The following CCDC7 variants were observed in gnomAD, a reference collection of about 807,000 sequenced individuals.
CCDC7 encodes the protein coiled-coil domain-containing protein 7.
Under a neutral mutation model 196.9 loss-of-function variants are expected in CCDC7, and 183 were observed. The ratio of observed to expected loss-of-function variants is 0.93; its 90% CI spans 0.82 to 1.05. The LOEUF is 1.05. CCDC7 is among the 50% of genes least tolerant of loss of function. The pLI is 0.00. For missense variants in CCDC7, 1,540 were observed against 1,482.2 expected (o/e 1.04, Z -0.64); for synonymous variants, 525 against 484.6 (o/e 1.08, Z -1.10).
intron 24 of CCDC7, among the ~76,000 whole-genome samples, chr10:32,697,680 A>G (rs7358119): frequency 0.25 from 38,303 of 152,080 alleles, 5,399 homozygotes; most frequent in South Asian, 0.44. Flanking sequence ...GGAAGCTCGA[A>G]CTAGGTGGAG....
chr10:32,755,727 C>T (rs181631773), intron 28 of CCDC7, among the ~76,000 whole-genome samples: 265 of 152,206 alleles, frequency 1.7e-3, no homozygotes, highest in Middle Eastern at 0.014. Context: ...TCCTCGCAAG[C>T]AGCAGAACAA....
chr10:32,621,847 G>A (rs1205318537), intron 18 of CCDC7, among the ~76,000 whole-genome samples: 4 of 152,150 alleles, frequency 2.6e-5, no homozygotes, highest in Non-Finnish European at 4.4e-5. Context: ...ATTGGTAAGG[G>A]TGGATCTTCT....
At position 32,855,560 on chromosome 10, in the gene CCDC7, A is replaced by T. The variant is rs139624397; in HGVS notation, c.4111+1071A>T. ...TAGATCCCTCTCATGCGCAGTTCACAATAGGGTTTGTGCTCCTATGAGAAT... is the reference window on the plus strand; with the variant it reads ...TAGATCCCTCTCATGCGCAGTTCACTATAGGGTTTGTGCTCCTATGAGAAT... On this transcript the variant is annotated intron_variant, in intron 41 of 41. Coordinates refer to ENST00000639629, the Ensembl canonical transcript of CCDC7. Among the ~76,000 whole-genome samples the T allele has an allele frequency of 9.7e-4, 147 of 152,262 alleles. 1 individual carries two copies. Among genetic ancestry groups the T allele is most frequent in the African/African-American group, 2.8e-3 (115 of 41,554 alleles).
rs183074029 is a variant in CCDC7 at position 32,694,223 on chromosome 10, A to G, written c.2345-656A>G. On this transcript the variant is annotated intron_variant, in intron 23 of 41. Coordinates refer to ENST00000639629, the Ensembl canonical transcript of CCDC7. ...TTCACTGATTAACCACAAATTGGGT[A>G]AATAATTGTCACTTGTTTTTATTAT... 4.6e-3 allele frequency among the ~76,000 whole-genome samples: 697 copies of G among 152,340 alleles called. 5 individuals are homozygous for G. The highest frequency in any genetic ancestry group is 5.7e-3 in the Non-Finnish European group (391 of 68,034).
At chr10:32,838,386 A>G (rs2092765108) in intron 33 of CCDC7, among the ~76,000 whole-genome samples, 1 of 152,068 alleles carries the variant, frequency 6.6e-6, no homozygotes. Flanking sequence ...CAGAAGAAAG[A>G]ACTTCAGAGC....
rs117144558 is a variant in CCDC7, at chr10:32,597,906, C to A, written c.1801+13602C>A. On this transcript the variant is annotated intron_variant, in intron 18 of 41. Coordinates refer to ENST00000639629, the Ensembl canonical transcript of CCDC7. ...GCACCCGGCCTTATGAGGTGTCAGT[C>A]GCCCCCCTACTGGGAGGTGCCTCCC... 5.3e-5 allele frequency among the ~76,000 whole-genome samples: 8 copies of A among 152,164 alleles called. No individual in the cohort carries two copies. The East Asian group carries it at 1.3e-3, about 26-fold the overall frequency.
intron 29 of CCDC7, among the ~76,000 whole-genome samples, chr10:32,795,757 T>C (rs1404277398): frequency 8.5e-5 from 13 of 152,168 alleles, no homozygotes; most frequent in Non-Finnish European, 5.9e-5. Context: ...TTTCACTGCC[T>C]TATTTTTGGC....
intron 20 of CCDC7, among the ~76,000 whole-genome samples, chr10:32,651,634 G>C (rs770053126): frequency 2.0e-5 from 3 of 152,154 alleles, no homozygotes; most frequent in Non-Finnish European, 4.4e-5. Flanking sequence ...CAGGGTGAGA[G>C]AGCTTATCAC....
At chr10:32,572,406 T>C (rs923054299) in intron 16 of CCDC7, among the ~76,000 whole-genome samples, 14 of 152,140 alleles carry the variant, frequency 9.2e-5, no homozygotes, top group Non-Finnish European at 1.5e-4. Context: ...ACAGACTTTC[T>C]TGATTCACAT....
chr10:32,487,881 GTC>G lies in CCDC7; in HGVS notation c.797-4040_797-4039del, dbSNP rs551166379. On this transcript the variant is annotated intron_variant, in intron 8 of 41. Coordinates refer to ENST00000639629, the Ensembl canonical transcript of CCDC7. ...AGAGGAGTACCTGGCCATGTGAAGT[GTC>G]AGTCTGCCCTTTCTGGGGGGTGCCT... Among the ~76,000 whole-genome samples, 1,153 of 152,302 alleles carry G rather than the reference GTC, an allele frequency of 7.6e-3. 8 individuals carry two copies. The highest frequency in any genetic ancestry group is 0.012 in the Non-Finnish European group (849 of 68,028).
intron 10 of CCDC7, 116 bp downstream of exon 11, chr10:32,518,091 T>G: frequency 7.6e-7 from 1 of 1,323,998 alleles, no homozygotes; most frequent in East Asian, 2.6e-5. Context: ...TTAGTTTATT[T>G]AAGAGATTTG....
chr10:32,817,145 AC>A (rs1310922112), intron 31 of CCDC7, among the ~76,000 whole-genome samples: 2 of 152,112 alleles, frequency 1.3e-5, no homozygotes, highest in African/African-American at 4.8e-5. Flanking sequence ...TCCTTAAAGG[AC>A]CTGATGGAGC....
Position 32,797,084 on chromosome 10 carries a change from C to G in CCDC7, c.3014-7931C>G, listed in dbSNP as rs533303066. Among the ~76,000 whole-genome samples the G allele has an allele frequency of 5.5e-4, 83 of 152,010 alleles. 1 individual carries two copies. Among genetic ancestry groups the G allele is most frequent in the Non-Finnish European group, 1.0e-4 (7 of 67,990 alleles). On this transcript the variant is annotated intron_variant, in intron 29 of 41. Coordinates refer to ENST00000639629, the Ensembl canonical transcript of CCDC7. ...CTTGCACACGCATGTTTATAAGCAGCATAATTCACAATTGCAAAAATGTGG... is the reference window on the plus strand; with the variant it reads ...CTTGCACACGCATGTTTATAAGCAGGATAATTCACAATTGCAAAAATGTGG...
intron 21 of CCDC7, among the ~76,000 whole-genome samples, chr10:32,668,807 G>A (rs866143835): frequency 2.6e-5 from 4 of 151,874 alleles, no homozygotes; most frequent in East Asian, 1.9e-4. Flanking sequence ...ATCAATGTTC[G>A]TCAGAGTTTT....
chr10:32,731,081 C>T (rs2083887142), intron 28 of CCDC7, among the ~76,000 whole-genome samples: 1 of 151,984 alleles, frequency 6.6e-6, no homozygotes, highest in East Asian at 1.9e-4. Context: ...CCTATTTCTT[C>T]TTATAGTACT....
chr10:32,722,463 G>T lies in CCDC7; in HGVS notation c.2570-4271G>T, dbSNP rs377434677. 5.3e-5 allele frequency among the ~76,000 whole-genome samples: 8 copies of T among 152,052 alleles called. No individual in the cohort carries two copies. The East Asian group carries it at 1.2e-3, about 22-fold the overall frequency. Reference sequence around the variant, plus strand: ...AGTGGGCTAGAAGTCTGGGATCAAGGTGTTGACATGGTTGGTTCATTCTTG... The same window carrying T: ...AGTGGGCTAGAAGTCTGGGATCAAGTTGTTGACATGGTTGGTTCATTCTTG... On this transcript the variant is annotated intron_variant, in intron 25 of 41. Coordinates refer to ENST00000639629, the Ensembl canonical transcript of CCDC7.
At chr10:32,644,109 A>T (rs2067335782) in intron 20 of CCDC7, among the ~76,000 whole-genome samples, 1 of 152,140 alleles carries the variant, frequency 6.6e-6, no homozygotes, top group Non-Finnish European at 1.5e-5. Context: ...GGGGTACAAT[A>T]TGGTGTTTTA....
intron 24 of CCDC7, among the ~76,000 whole-genome samples, chr10:32,708,050 C>G (rs2080107827): frequency 6.6e-6 from 1 of 152,144 alleles, no homozygotes; most frequent in South Asian, 2.1e-4. Context: ...CTGGAGGCAT[C>G]ACGCTACCTG....
At chr10:32,706,807 C>G (rs955097475) in intron 24 of CCDC7, among the ~76,000 whole-genome samples, 1 of 152,174 alleles carries the variant, frequency 6.6e-6, no homozygotes, top group Non-Finnish European at 1.5e-5. Context: ...ATAACAGGCT[C>G]TGAAATAGAG....
Sources: gnomAD v4.1 joint callset for allele counts (sites outside exome capture counted in the v4.1 genomes callset) on GRCh38, gnomAD v4.1.1 for gene constraint, MANE v1.5 for transcripts, NCBI Gene and HGNC (gene_info 2026-07-23, HGNC 2026-07-21) for gene names.